The following TPR variants were observed in gnomAD, a reference collection of about 807,000 sequenced individuals.
The protein encoded by TPR is translocated promoter region, nuclear basket protein.
Under a neutral mutation model 316.1 loss-of-function variants are expected in TPR, and 51 were observed. The ratio of observed to expected loss-of-function variants is 0.16; its 90% CI spans 0.13 to 0.20. The LOEUF (loss-of-function observed/expected upper bound fraction) is 0.20. TPR is among the 10% of genes least tolerant of loss of function. The pLI, the probability that TPR is intolerant of heterozygous loss-of-function variation, is 1.00. For synonymous variants in TPR, 981 were observed against 914.7 expected, an observed-to-expected ratio of 1.07 and a Z score of -1.31; for missense variants, 2,272 against 2,754.8, an observed-to-expected ratio of 0.82 and a Z score of 3.92.
Position 186,367,960 on chromosome 1 carries a change from T to C in TPR, c.353A>G (p.Glu118Gly). Reference protein sequence around the residue: ...AIQSQFTRTKEELEAEKRDLI... With the variant: ...AIQSQFTRTKGELEAEKRDLI... ...GTCTCTTTTCTCAGCTTCTAATTCT[T>C]CCTTTGTTCTTGTAAATTGGCTCTG... Residue 118 changes from glutamate (E) to glycine (G), a missense_variant, in exon 4 of 51, where the codon GAA (glutamate) becomes GGA (glycine). By Grantham distance (98) the Glu-to-Gly change is moderately conservative. Transcript: ENST00000367478. 1 of 1,610,522 alleles carries C rather than the reference T, an allele frequency of 6.2e-7. No individual in the cohort carries two copies. Among genetic ancestry groups the C allele is most frequent in the Non-Finnish European group, 8.5e-7 (1 of 1,179,406 alleles).
chr1:186,374,383 G>A (rs1450350901), intron 1 of TPR, among the ~76,000 whole-genome samples: 1 of 152,158 alleles, frequency 6.6e-6, no homozygotes, highest in Admixed American at 6.5e-5. Flanking sequence ...TGTGTTTCCA[G>A]CGCTCTTATG....
chr1:186,345,185 G>A (rs183102921), intron 24 of TPR, among the ~76,000 whole-genome samples: 71 of 150,714 alleles, frequency 4.7e-4, no homozygotes, highest in Non-Finnish European at 4.7e-4. Flanking sequence ...ATAGATATCT[G>A]CGCAAACTTG....
chr1:186,335,936 A>G (rs1658327188), intron 33 of TPR, among the ~76,000 whole-genome samples: 1 of 152,106 alleles, frequency 6.6e-6, no homozygotes, highest in East Asian at 1.9e-4. Flanking sequence ...TTGTTAGGAC[A>G]CTGTCTTAGA....
At chr1:186,363,128 A>C in intron 5 of TPR, 127 bp from the exon 6 acceptor site, 1 of 1,128,072 alleles carries the variant, frequency 8.9e-7, no homozygotes, top group East Asian at 2.6e-5. Flanking sequence ...ATTTGCATAG[A>C]TTCTTAACTA....
intron 17 of TPR, 132 bp downstream of exon 17, chr1:186,355,278 C>T (rs913978645): frequency 4.4e-6 from 4 of 918,160 alleles, no homozygotes; most frequent in Non-Finnish European, 6.6e-6. Context: ...AATGAACTAC[C>T]AGAGGTTCTC....
At chr1:186,339,010 T>C (rs1247718425) in intron 30 of TPR, among the ~76,000 whole-genome samples, 2 of 152,160 alleles carry the variant, frequency 1.3e-5, no homozygotes, top group African/African-American at 4.8e-5. Flanking sequence ...AATGGGACCA[T>C]GATATGGACA....
rs1167263659 is a variant in TPR, at chr1:186,313,668, C to T, written c.*303G>A. The T allele has an allele frequency of 6.6e-7, 1 of 1,519,614 alleles. No homozygotes were observed. Among genetic ancestry groups the T allele is most frequent in the Non-Finnish European group, 9.1e-7 (1 of 1,095,172 alleles). 94.1% of individuals were successfully genotyped at this position (1,519,614 alleles called of 1,614,324 possible). A position where few individuals can be genotyped will look rare whatever the true frequency, so the allele number is the denominator to read the frequency against. ...TTCTTTTTAACTAAAAAAATGTTTTCTCTTCCATTTAGATCAATACTATAA... is the reference window on the plus strand; with the variant it reads ...TTCTTTTTAACTAAAAAAATGTTTTTTCTTCCATTTAGATCAATACTATAA... On this transcript the variant is annotated 3_prime_UTR_variant, in exon 51 of 51. Coordinates refer to ENST00000367478, the MANE Select transcript of TPR (RefSeq NM_003292.3).
At chr1:186,321,013 T>TTAGGAA (rs1657761538) in intron 45 of TPR, among the ~76,000 whole-genome samples, 3 of 152,194 alleles carry the variant, frequency 2.0e-5, no homozygotes, top group African/African-American at 7.2e-5. Flanking sequence ...AGTGAGCTAT[T>TTAGGAA]AATGTCTTTA....
At chr1:186,341,228 A>G (rs201983375) in intron 28 of TPR, 24 bp downstream of exon 28, 63 of 1,612,928 alleles carry the variant, frequency 3.9e-5, no homozygotes, top group Non-Finnish European at 5.2e-5. Context: ...ACATGCTTCC[A>G]CTCTTGATAA....
chr1:186,367,090 G>A (rs529381685), intron 4 of TPR, among the ~76,000 whole-genome samples: 85 of 121,834 alleles, frequency 7.0e-4, no homozygotes, highest in African/African-American at 1.9e-3. Flanking sequence ...TTTTTGATAC[G>A]GAGTCTAGCT....
chr1:186,324,709 T>C (rs887079024), intron 42 of TPR, among the ~76,000 whole-genome samples: 3 of 152,156 alleles, frequency 2.0e-5, no homozygotes, highest in African/African-American at 7.2e-5. Flanking sequence ...CAAGTGTAGT[T>C]GCTTGAAATG....
At chr1:186,316,904 C>G (rs1410937849) in intron 49 of TPR, among the ~76,000 whole-genome samples, 1 of 152,184 alleles carries the variant, frequency 6.6e-6, no homozygotes, top group Admixed American at 6.5e-5. Flanking sequence ...ACTTCTATTA[C>G]AGGAATAATA....
At chr1:186,320,460 A>T in intron 45 of TPR, 42 bp from the exon 46 acceptor site, 1 of 1,521,574 alleles carries the variant, frequency 6.6e-7, no homozygotes, top group Non-Finnish European at 8.9e-7. Flanking sequence ...TTTAAAGTTA[A>T]CCTATTTAAA....
At chr1:186,341,418 A>G in intron 27 of TPR, 29 bp from the exon 28 acceptor site, 2 of 1,600,222 alleles carry the variant, frequency 1.2e-6, no homozygotes, top group Non-Finnish European at 1.7e-6. Flanking sequence ...TATACATACC[A>G]ACATCTAACA....
At chr1:186,326,349 T>C in intron 40 of TPR, 114 bp from the exon 41 acceptor site, 10 of 1,477,162 alleles carry the variant, frequency 6.8e-6, no homozygotes, top group African/African-American at 1.4e-5. Context: ...AAGATAGGAA[T>C]TGTCCTGAGA....
intron 45 of TPR, among the ~76,000 whole-genome samples, chr1:186,321,259 C>T (rs773483537): frequency 4.6e-5 from 7 of 152,128 alleles, no homozygotes; most frequent in Non-Finnish European, 8.8e-5. Flanking sequence ...TGGTTCTAAC[C>T]GCCACATGTT....
At chr1:186,318,322 T>C (rs1830344) in intron 48 of TPR, 125 bp downstream of exon 48, 123,882 of 1,233,458 alleles carry the variant, frequency 0.1, 7,726 homozygotes, top group East Asian at 0.23. Flanking sequence ...AGCGAGACTC[T>C]GTCTCAAAAA....
In TPR at chr1:186,362,186, T is replaced by C. The variant is rs976266393; in HGVS notation, c.789+102A>G. ...TGGAAGGAGGACTCTCACTGTTTTATGGGGCCAAGGACAGATTAAAAAATG... is the reference window on the plus strand; with the variant it reads ...TGGAAGGAGGACTCTCACTGTTTTACGGGGCCAAGGACAGATTAAAAAATG... On this transcript the variant is annotated intron_variant, in intron 7 of 50. Transcript: ENST00000367478. 16 of 931,338 alleles carry C rather than the reference T, an allele frequency of 1.7e-5. No homozygotes were observed. The East Asian group carries it at 3.6e-4, about 21-fold the overall frequency. 57.7% of individuals were successfully genotyped at this position (931,338 alleles called of 1,614,324 possible).
intron 43 of TPR, among the ~76,000 whole-genome samples, chr1:186,323,110 T>C (rs1657815752): frequency 6.6e-6 from 1 of 152,174 alleles, no homozygotes; most frequent in Non-Finnish European, 1.5e-5. Context: ...TACTATTTTA[T>C]AGGGAAAAAC....
Sources: gnomAD v4.1 joint callset for allele counts (sites outside exome capture counted in the v4.1 genomes callset) on GRCh38, gnomAD v4.1.1 for gene constraint, MANE v1.5 for transcripts, NCBI Gene and HGNC (gene_info 2026-07-23, HGNC 2026-07-21) for gene names.